Variants in SMYD3 observed in about 807,000 individuals in gnomAD.
The protein encoded by SMYD3 is SET and MYND domain containing 3.
Under a neutral mutation model 57.7 loss-of-function variants are expected in SMYD3, and 36 were observed. That is an observed-to-expected ratio of 0.62 (90% CI 0.48 to 0.82). The LOEUF (loss-of-function observed/expected upper bound fraction) is 0.82, where lower values mean the gene tolerates loss of function less well. Ranked by LOEUF, SMYD3 falls within the 40% of genes least tolerant of loss-of-function variation. The pLI is 0.00. For synonymous variants in SMYD3, 211 were observed against 195.0 expected (o/e 1.08, Z -0.68); for missense variants, 515 against 538.8 (o/e 0.96, Z 0.44).
chr1:245,925,274 G>A (rs111730445), intron 7 of SMYD3, among the ~76,000 whole-genome samples: 3,375 of 152,146 alleles, frequency 0.022, 129 homozygotes, highest in African/African-American at 0.076. Flanking sequence ...ACCTGCATAC[G>A]ATGTGTAATG....
At chr1:246,441,329 C>T (rs981623470) in intron 1 of SMYD3, among the ~76,000 whole-genome samples, 3 of 152,060 alleles carry the variant, frequency 2.0e-5, no homozygotes, top group Non-Finnish European at 4.4e-5. Context: ...TTTGTAACTA[C>T]GCTGCAAAAT....
rs143792349 is a variant in SMYD3 at position 246,080,293 on chromosome 1, G to T, written c.532-150356C>A. Among the ~76,000 whole-genome samples, 564 of 152,150 alleles carry T rather than the reference G, an allele frequency of 3.7e-3. 5 individuals are homozygous for T. The highest frequency in any genetic ancestry group is 0.017 in the Middle Eastern group (5 of 294). On this transcript the variant is annotated intron_variant, in intron 5 of 11. Coordinates refer to ENST00000490107, the MANE Select transcript of SMYD3 (RefSeq NM_001167740.2). Reference sequence around the variant, plus strand: ...AGTGGCAGCACTGGATTCTCATGGAGGGTGAGCAGGCATGACCACTGGAGC... The same window carrying T: ...AGTGGCAGCACTGGATTCTCATGGATGGTGAGCAGGCATGACCACTGGAGC...
chr1:246,050,818 A>G (rs940877022), intron 5 of SMYD3, among the ~76,000 whole-genome samples: 2 of 152,196 alleles, frequency 1.3e-5, no homozygotes, highest in African/African-American at 4.8e-5. Context: ...TAAAGGAGTC[A>G]GGCAAAACCA....
chr1:245,807,979 TCTTGAGAGTATTCTC>T (rs2048275892), intron 10 of SMYD3, among the ~76,000 whole-genome samples: 1 of 152,178 alleles, frequency 6.6e-6, no homozygotes, highest in Admixed American at 6.5e-5. Context: ...TAATTTAATC[TCTTGAGAGTATTCTC>T]CTCTTCTGCC....
intron 5 of SMYD3, among the ~76,000 whole-genome samples, chr1:246,214,314 CA>C (rs1292666253): frequency 3.3e-5 from 5 of 152,134 alleles, no homozygotes; most frequent in African/African-American, 1.2e-4. Flanking sequence ...AAAGAGGAGA[CA>C]AATGTCATAG....
Position 246,083,251 on chromosome 1 carries a change from A to G in SMYD3, c.532-153314T>C, listed in dbSNP as rs181162104. Among the ~76,000 whole-genome samples the G allele has an allele frequency of 1.3e-4, 20 of 152,360 alleles. No individual in the cohort carries two copies. The East Asian group carries it at 3.1e-3, about 24-fold the overall frequency. ...GATTGTATATTCCATCTACTGAGAC[A>G]GGGGAAAACCGCCTTAGGGCTGGAG... On this transcript the variant is annotated intron_variant, in intron 5 of 11. Coordinates refer to ENST00000490107, the MANE Select transcript of SMYD3 (RefSeq NM_001167740.2).
chr1:246,213,695 T>C (rs1348528229), intron 5 of SMYD3, among the ~76,000 whole-genome samples: 1 of 152,168 alleles, frequency 6.6e-6, no homozygotes, highest in Non-Finnish European at 1.5e-5. Context: ...CTCCCCTCCC[T>C]GGCTCCATTC....
At chr1:245,893,315 A>G (rs932735281) in intron 8 of SMYD3, among the ~76,000 whole-genome samples, 1 of 152,202 alleles carries the variant, frequency 6.6e-6, no homozygotes, top group African/African-American at 2.4e-5. Context: ...ATTTCTTATA[A>G]AGTTAAACAT....
At chr1:245,799,340 T>G (rs1238767036) in intron 10 of SMYD3, among the ~76,000 whole-genome samples, 1 of 133,500 alleles carries the variant, frequency 7.5e-6, no homozygotes, top group East Asian at 2.3e-4. Context: ...TTCTCTCAAT[T>G]CTGATTCCTA....
At chr1:245,767,064 C>G (rs1423791289) in intron 10 of SMYD3, among the ~76,000 whole-genome samples, 1 of 152,186 alleles carries the variant, frequency 6.6e-6, no homozygotes, top group Non-Finnish European at 1.5e-5. Context: ...GAAAGCTGGT[C>G]AAGCTCACTC....
At chr1:245,976,521 A>G (rs866779494) in intron 5 of SMYD3, among the ~76,000 whole-genome samples, 13 of 25,650 alleles carry the variant, frequency 5.1e-4, no homozygotes, top group African/African-American at 1.9e-3. Context: ...CATCGTCTCT[A>G]GCCCAGGGAA....
chr1:245,785,159 G>C (rs546209004), intron 10 of SMYD3, among the ~76,000 whole-genome samples: 14 of 152,044 alleles, frequency 9.2e-5, no homozygotes, highest in Admixed American at 9.2e-4. Context: ...TGGAATTACA[G>C]GCATGAGCCA....
At chr1:245,905,213 CAGAG>C (rs1242656126) in intron 8 of SMYD3, among the ~76,000 whole-genome samples, 2 of 151,872 alleles carry the variant, frequency 1.3e-5, no homozygotes, top group African/African-American at 4.8e-5. Flanking sequence ...TTGAGAAAAG[CAGAG>C]AGAAAAATAA....
intron 1 of SMYD3, among the ~76,000 whole-genome samples, chr1:246,491,313 A>G (rs2068265679): frequency 6.6e-6 from 1 of 152,208 alleles, no homozygotes; most frequent in South Asian, 2.1e-4. Flanking sequence ...CGAGGCAGGC[A>G]TATTACCTAA....
At chr1:246,040,504 G>A (rs770637127) in intron 5 of SMYD3, among the ~76,000 whole-genome samples, 1 of 152,164 alleles carries the variant, frequency 6.6e-6, no homozygotes, top group African/African-American at 2.4e-5. Context: ...CTGCTTTCTC[G>A]TAGGAATTTG....
intron 5 of SMYD3, among the ~76,000 whole-genome samples, chr1:246,105,238 C>G (rs891257039): frequency 6.7e-6 from 1 of 148,446 alleles, no homozygotes; most frequent in Non-Finnish European, 1.5e-5. Context: ...CTAAAATGCA[C>G]AGATGGGCCC....
At chr1:245,933,026 C>T (rs2056812317) in intron 5 of SMYD3, among the ~76,000 whole-genome samples, 1 of 152,132 alleles carries the variant, frequency 6.6e-6, no homozygotes, top group Non-Finnish European at 1.5e-5. Context: ...CAACTGATAG[C>T]AACAGTGGAT....
intron 2 of SMYD3, among the ~76,000 whole-genome samples, chr1:246,350,892 T>C (rs912895815): frequency 1.4e-4 from 21 of 152,240 alleles, no homozygotes; most frequent in African/African-American, 2.2e-4. Flanking sequence ...AAACTTCATG[T>C]AGTACTCCCT....
At chr1:245,761,276 G>A (rs998877179) in intron 11 of SMYD3, among the ~76,000 whole-genome samples, 1 of 152,122 alleles carries the variant, frequency 6.6e-6, no homozygotes, top group Non-Finnish European at 1.5e-5. Flanking sequence ...AATAGGAAAA[G>A]CTAACATGAT....
Sources: allele counts gnomAD v4.1 joint callset (sites outside exome capture counted in the v4.1 genomes callset), GRCh38; gene constraint gnomAD v4.1.1; transcripts MANE v1.5; gene names NCBI Gene and HGNC (gene_info 2026-07-23, HGNC 2026-07-21).